Variants in CDC42BPB observed in about 807,000 individuals in gnomAD.
CDC42BPB encodes CDC42 binding protein kinase beta, also known as serine/threonine-protein kinase MRCK beta.
A neutral mutation model predicts 214.9 loss-of-function variants in CDC42BPB; 37 were observed. The ratio of observed to expected loss-of-function variants is 0.17; its 90% confidence interval spans 0.13 to 0.23. The LOEUF is 0.23. CDC42BPB is among the 10% of genes least tolerant of loss of function. The pLI is 1.00. For missense variants in CDC42BPB, 1,694 were observed against 2,227.0 expected (o/e 0.76, Z 4.82); for synonymous variants, 931 against 884.0 (o/e 1.05, Z -0.94).
At chr14:102,995,748 G>A (rs1894698558) in intron 5 of CDC42BPB, among the ~76,000 whole-genome samples, 2 of 152,220 alleles carry the variant, frequency 1.3e-5, no homozygotes. Flanking sequence ...AGTGGCACGG[G>A]CTCCAAACCA....
At chr14:102,984,667 A>T (rs1894154284) in intron 6 of CDC42BPB, among the ~76,000 whole-genome samples, 5 of 151,936 alleles carry the variant, frequency 3.3e-5, no homozygotes, top group Admixed American at 3.3e-4. Context: ...AGAGAGAACG[A>T]TGGAGAGTAT....
Position 102,938,423 on chromosome 14 carries a change from T to C in CDC42BPB, c.4828-12A>G. 1.3e-6 allele frequency: 2 copies of C among 1,524,988 alleles called. No individual in the cohort carries two copies. The highest frequency in any genetic ancestry group is 1.8e-6 in the Non-Finnish European group (2 of 1,141,620). 94.5% of individuals were successfully genotyped at this position (1,524,988 alleles called of 1,614,324 possible). A position where few individuals can be genotyped will look rare whatever the true frequency, so the allele number is the denominator to read the frequency against. On this transcript the variant is annotated splice_polypyrimidine_tract_variant and intron_variant, in intron 34 of 36. Transcript: ENST00000361246. ...GGGGGCACAGCACTCTGGGCAGAAA[T>C]AGCAACACGTGAGCATGCTTGGTTG...
chr14:102,996,021 G>A (rs1240292866), intron 5 of CDC42BPB, among the ~76,000 whole-genome samples: 1 of 152,214 alleles, frequency 6.6e-6, no homozygotes, highest in African/African-American at 2.4e-5. Context: ...ATGCCCGGAC[G>A]TCAAACGACT....
chr14:102,970,806 AC>A (rs1893439995), intron 13 of CDC42BPB, among the ~76,000 whole-genome samples: 1 of 152,208 alleles, frequency 6.6e-6, no homozygotes, highest in African/African-American at 2.4e-5. Flanking sequence ...ACTGCCTGTA[AC>A]TACAAATATA....
chr14:103,004,223 C>T lies in CDC42BPB; in HGVS notation c.352-200G>A, dbSNP rs34428862. On this transcript the variant is annotated intron_variant, in intron 3 of 36. Transcript: ENST00000361246. This position sits in a 1 kb window ranked among gnomAD's most constrained non-coding sequence, Gnocchi z 5.3. ...TCCTCTCCCAAGCCCCGTGCAAGTG[C>T]CAAGGGCTGCTGAGGAGGCACTTGC... 309 of 1,305,342 alleles carry T rather than the reference C, an allele frequency of 2.4e-4. 7 individuals are homozygous for T. The East Asian group carries it at 9.5e-3, about 40-fold the overall frequency. 80.9% of individuals were successfully genotyped at this position (1,305,342 alleles called of 1,614,324 possible). A position where few individuals can be genotyped will look rare whatever the true frequency, so the allele number is the denominator to read the frequency against.
intron 26 of CDC42BPB, 63 bp from the exon 27 acceptor site, chr14:102,947,865 C>CGCCCT (rs879720441): frequency 3.1e-5 from 49 of 1,599,900 alleles, no homozygotes; most frequent in African/African-American, 1.3e-4. Context: ...GGCCCTCCCA[C>CGCCCT]GCCCTGCCCT....
At chr14:103,030,970 C>G (rs1446815085) in intron 1 of CDC42BPB, among the ~76,000 whole-genome samples, 1 of 151,916 alleles carries the variant, frequency 6.6e-6, no homozygotes, top group Admixed American at 6.6e-5. Flanking sequence ...CTGGGTGACA[C>G]GGTGGCACCC....
intron 14 of CDC42BPB, among the ~76,000 whole-genome samples, chr14:102,969,914 G>C (rs887336679): frequency 3.4e-4 from 52 of 152,250 alleles, no homozygotes; most frequent in African/African-American, 1.2e-3. Flanking sequence ...GACTTACTGT[G>C]AATTGCCTGA....
chr14:103,018,635 C>T (rs944231057), intron 1 of CDC42BPB, among the ~76,000 whole-genome samples: 19 of 152,136 alleles, frequency 1.2e-4, no homozygotes, highest in African/African-American at 4.6e-4. Context: ...GGGTGCTACA[C>T]ACCAAAGCAG....
chr14:103,046,270 C>T (rs1414024434), intron 1 of CDC42BPB, among the ~76,000 whole-genome samples: 1 of 152,032 alleles, frequency 6.6e-6, no homozygotes, highest in Non-Finnish European at 1.5e-5. Flanking sequence ...GACTTACAGC[C>T]CCAAAATAAA....
At chr14:102,956,389 G>A (rs1204141641) in intron 21 of CDC42BPB, 1 of 951,812 alleles carries the variant, frequency 1.1e-6, no homozygotes, top group African/African-American at 1.8e-5. Context: ...ACTGTTTCTA[G>A]TAAAAACCAA....
Position 102,983,568 on chromosome 14 carries a change from G to A in CDC42BPB, c.879C>T (p.Ile293=). The change falls in exon 7 of 37, where the codon ATC becomes ATT. Residue 293 remains isoleucine, a synonymous_variant. Transcript: ENST00000361246. ...TGCAACGTCTTACTTCATGGTTCATGATCTTCCCATAGGTCTCCACGAGTG... is the reference window on the plus strand; with the variant it reads ...TGCAACGTCTTACTTCATGGTTCATAATCTTCCCATAGGTCTCCACGAGTG... ...AESLVETYGK[I]MNHEERFQFP... The A allele has an allele frequency of 1.9e-6, 3 of 1,602,596 alleles. No individual in the cohort carries two copies. The highest frequency in any genetic ancestry group is 2.5e-6 in the Non-Finnish European group (3 of 1,178,690).
At chr14:103,054,586 T>C (rs956725021) in intron 1 of CDC42BPB, among the ~76,000 whole-genome samples, 1 of 152,242 alleles carries the variant, frequency 6.6e-6, no homozygotes, top group Non-Finnish European at 1.5e-5. Flanking sequence ...TGCACACATG[T>C]TAACTAGAAA....
At chr14:102,937,794 A>G (rs1400414078) in intron 36 of CDC42BPB, among the ~76,000 whole-genome samples, 2 of 152,264 alleles carry the variant, frequency 1.3e-5, no homozygotes, top group Non-Finnish European at 2.9e-5. Flanking sequence ...ATTGAAGTAC[A>G]TAAAACAACA....
intron 7 of CDC42BPB, among the ~76,000 whole-genome samples, chr14:102,982,794 G>A (rs1382141621): frequency 1.3e-5 from 2 of 151,994 alleles, no homozygotes; most frequent in Non-Finnish European, 2.9e-5. Context: ...CAGGAGAATC[G>A]CTTGAACTCG....
chr14:103,003,747 T>A (rs920089902), intron 4 of CDC42BPB, among the ~76,000 whole-genome samples, 181 bp downstream of exon 4: 2 of 152,240 alleles, frequency 1.3e-5, no homozygotes, highest in African/African-American at 4.8e-5. Context: ...CTTCCACATG[T>A]GTATTTTAAA....
At position 103,057,307 on chromosome 14, in the gene CDC42BPB, C is replaced by A; in HGVS notation, c.-134G>T. 9.4e-7 allele frequency: 1 copy of A among 1,058,592 alleles called. No homozygotes were observed. The highest frequency in any genetic ancestry group is 4.4e-5 in the South Asian group (1 of 22,506). 65.6% of individuals were successfully genotyped at this position (1,058,592 alleles called of 1,614,324 possible). A position where few individuals can be genotyped will look rare whatever the true frequency, so the allele number is the denominator to read the frequency against. ...CGCCTCCTCGCCGCCCCGTCCGCGT[C>A]GTCGCGCCCCGGCCTAGGCCGACAT... On this transcript the variant is annotated 5_prime_UTR_variant, in exon 1 of 37. Coordinates refer to ENST00000361246, the MANE Select transcript of CDC42BPB (RefSeq NM_006035.4).
chr14:103,024,179 C>G (rs1019744630), intron 1 of CDC42BPB, among the ~76,000 whole-genome samples: 2 of 152,184 alleles, frequency 1.3e-5, no homozygotes, highest in African/African-American at 2.4e-5. Flanking sequence ...GGAAGAGAAC[C>G]GTCTACGCAT....
chr14:102,941,479 G>A (rs1251762423), intron 30 of CDC42BPB: 1 of 985,456 alleles, frequency 1.0e-6, no homozygotes, highest in Non-Finnish European at 1.2e-6. Flanking sequence ...GTCTCAGAAG[G>A]AGCATTTCAG....
Sources: allele counts gnomAD v4.1 joint callset (sites outside exome capture counted in the v4.1 genomes callset), GRCh38; gene constraint gnomAD v4.1.1; non-coding constraint Gnocchi (gnomAD v3.1); transcripts MANE v1.5; gene names NCBI Gene and HGNC (gene_info 2026-07-23, HGNC 2026-07-21).